Variants in B3GALT1 observed in about 807,000 individuals in gnomAD.
The protein encoded by B3GALT1 is beta-1,3-galactosyltransferase 1, also known as UDP-Gal:betaGlcNAc beta 1,3-galactosyltransferase, polypeptide 1.
A neutral mutation model predicts 23.2 loss-of-function variants in B3GALT1; 10 were observed. That is an observed-to-expected ratio of 0.43 (90% confidence interval 0.27 to 0.73). The LOEUF (loss-of-function observed/expected upper bound fraction) is 0.73, where lower values mean the gene tolerates loss of function less well. Ranked by LOEUF, B3GALT1 falls within the 30% of genes least tolerant of loss-of-function variation. The pLI is 0.21. For missense variants in B3GALT1, 299 were observed against 405.4 expected (o/e 0.74, Z 2.25); for synonymous variants, 156 against 141.5 (o/e 1.10, Z -0.73).
chr2:167,641,965 T>TC (rs1685660206), intron 2 of B3GALT1, among the ~76,000 whole-genome samples: 1 of 152,202 alleles, frequency 6.6e-6, no homozygotes, highest in South Asian at 2.1e-4. Flanking sequence ...ACTCCTAGTT[T>TC]CCCTCACACA....
intron 2 of B3GALT1, among the ~76,000 whole-genome samples, chr2:167,526,382 G>A (rs149613521): frequency 0.012 from 1,843 of 152,044 alleles, 17 homozygotes; most frequent in Middle Eastern, 0.02. Flanking sequence ...TCCAACATCC[G>A]TTTACTTATT....
At chr2:167,645,606 G>A (rs945300977) in intron 2 of B3GALT1, among the ~76,000 whole-genome samples, 3 of 117,860 alleles carry the variant, frequency 2.5e-5, no homozygotes, top group Non-Finnish European at 1.6e-5. Context: ...CTGTCACCCA[G>A]GCTGGAAATG....
intron 2 of B3GALT1, among the ~76,000 whole-genome samples, chr2:167,635,794 T>C (rs139454633): frequency 0.036 from 5,413 of 152,112 alleles, 197 homozygotes; most frequent in African/African-American, 0.09. Context: ...AATTCAATGC[T>C]ATCCCTATCA....
intron 1 of B3GALT1, among the ~76,000 whole-genome samples, chr2:167,378,351 G>A (rs1307916459): frequency 1.3e-5 from 2 of 151,968 alleles, no homozygotes; most frequent in Non-Finnish European, 2.9e-5. Context: ...TGGATTTCTT[G>A]TATCTGGATG....
intron 2 of B3GALT1, among the ~76,000 whole-genome samples, chr2:167,625,304 A>T (rs1685322352): frequency 6.6e-6 from 1 of 151,940 alleles, no homozygotes; most frequent in Non-Finnish European, 1.5e-5. Context: ...ACCTTTGAGG[A>T]AGTACTAACA....
At chr2:167,597,155 G>A (rs529306949) in intron 2 of B3GALT1, among the ~76,000 whole-genome samples, 2 of 143,332 alleles carry the variant, frequency 1.4e-5, no homozygotes, top group South Asian at 2.2e-4. Flanking sequence ...TCTCTCTGTC[G>A]CCCAGGCTGG....
At chr2:167,845,561 C>A (rs1432678121) in intron 4 of B3GALT1, among the ~76,000 whole-genome samples, 1 of 152,172 alleles carries the variant, frequency 6.6e-6, no homozygotes, top group Non-Finnish European at 1.5e-5. Flanking sequence ...AGTACTACAT[C>A]AAGGGAACAT....
intron 1 of B3GALT1, among the ~76,000 whole-genome samples, chr2:167,358,551 C>T (rs1697452305): frequency 8.6e-5 from 13 of 151,638 alleles, no homozygotes; most frequent in Admixed American, 8.6e-4. Flanking sequence ...TAATAATGAA[C>T]TTTTTTTTAG....
rs1553466255 is a variant in B3GALT1 at position 167,548,694 on chromosome 2, G to GTGTGTGTGTGTGTGAGAGTGTA, written c.-410+58431_-410+58432insAGAGTGTATGTGTGTGTGTGTG. 5.0e-3 allele frequency among the ~76,000 whole-genome samples: 760 copies of GTGTGTGTGTGTGTGAGAGTGTA among 151,214 alleles called. 9 individuals are homozygous for GTGTGTGTGTGTGTGAGAGTGTA. The highest frequency in any genetic ancestry group is 0.018 in the African/African-American group (725 of 41,082). On this transcript the variant is annotated intron_variant, in intron 2 of 4. Coordinates refer to ENST00000392690, the MANE Select transcript of B3GALT1 (RefSeq NM_020981.4). ...TCCAGACGTGTGTGTGAGTGTGTGT[G>GTGTGTGTGTGTGTGAGAGTGTA]TGTGTGTGTGTGTGTGTGTGTGTAT...
At chr2:167,311,539 A>C (rs1376561089) in intron 1 of B3GALT1, among the ~76,000 whole-genome samples, 2 of 152,034 alleles carry the variant, frequency 1.3e-5, no homozygotes, top group Non-Finnish European at 2.9e-5. Flanking sequence ...CCAGGACTTA[A>C]AATATTTAAA....
chr2:167,579,430 G>GTTTTTTTTTTTTTTTTTTTTT (rs1553469287), intron 2 of B3GALT1, among the ~76,000 whole-genome samples: 7 of 63,612 alleles, frequency 1.1e-4, no homozygotes, highest in African/African-American at 4.8e-4. Context: ...GTTTTTTTTT[G>GTTTTTTTTTTTTTTTTTTTTT]TCTTTTTTTT....
At chr2:167,335,765 G>A (rs1697050185) in intron 1 of B3GALT1, among the ~76,000 whole-genome samples, 1 of 152,094 alleles carries the variant, frequency 6.6e-6, no homozygotes, top group Non-Finnish European at 1.5e-5. Flanking sequence ...GGTTTGGCTG[G>A]CTTCTTTACT....
intron 1 of B3GALT1, among the ~76,000 whole-genome samples, chr2:167,440,762 G>A (rs902628521): frequency 2.0e-5 from 3 of 151,456 alleles, no homozygotes; most frequent in Non-Finnish European, 2.9e-5. Flanking sequence ...CTCTAAAATT[G>A]ACCTTTCTTA....
intron 1 of B3GALT1, among the ~76,000 whole-genome samples, chr2:167,449,988 G>T (rs1574084223): frequency 6.6e-6 from 1 of 152,268 alleles, no homozygotes; most frequent in East Asian, 1.9e-4. Context: ...TTTGGATTCA[G>T]TTAGGTAGTA....
intron 3 of B3GALT1, among the ~76,000 whole-genome samples, chr2:167,656,695 C>T (rs1025631893): frequency 2.6e-5 from 4 of 152,144 alleles, no homozygotes; most frequent in Admixed American, 6.5e-5. Context: ...ACTGGATTAG[C>T]TGTCCTACAG....
intron 3 of B3GALT1, among the ~76,000 whole-genome samples, chr2:167,695,551 C>T (rs944987117): frequency 1.2e-4 from 18 of 152,120 alleles, no homozygotes; most frequent in Non-Finnish European, 2.5e-4. Context: ...CTTCCCTATA[C>T]GTCTAAGAAT....
intron 2 of B3GALT1, among the ~76,000 whole-genome samples, chr2:167,590,231 A>G (rs1477477943): frequency 6.6e-6 from 1 of 151,716 alleles, no homozygotes; most frequent in East Asian, 1.9e-4. Context: ...CTGTAGTCCC[A>G]GCTACTTGGG....
intron 1 of B3GALT1, among the ~76,000 whole-genome samples, chr2:167,464,980 A>G (rs1458656424): frequency 6.6e-6 from 1 of 152,192 alleles, no homozygotes; most frequent in African/African-American, 2.4e-5. Context: ...TCTTTTAATA[A>G]TAAATAAGTA....
chr2:167,602,557 G>A (rs1684895397), intron 2 of B3GALT1, among the ~76,000 whole-genome samples: 1 of 152,190 alleles, frequency 6.6e-6, no homozygotes, highest in East Asian at 1.9e-4. Context: ...TAGGACTCCA[G>A]CAAGCAGAGA....
Sources: gnomAD v4.1 joint callset for allele counts (sites outside exome capture counted in the v4.1 genomes callset) on GRCh38, gnomAD v4.1.1 for gene constraint, MANE v1.5 for transcripts, NCBI Gene and HGNC (gene_info 2026-07-23, HGNC 2026-07-21) for gene names.